Variants in FBXL4 observed in about 807,000 individuals in gnomAD.
The protein encoded by FBXL4 is F-box and leucine rich repeat protein 4.
FBXL4 carries 40 observed loss-of-function variants against 58.9 expected under a neutral mutation model. The ratio of observed to expected loss-of-function variants is 0.68; its 90% CI spans 0.53 to 0.88. The LOEUF is 0.88. Among genes scored for constraint, FBXL4 ranks in the 40% least tolerant of loss-of-function variants. The pLI is 0.00. For missense variants in FBXL4, 676 were observed against 734.4 expected, an observed-to-expected ratio of 0.92 and a Z score of 0.92; for synonymous variants, 263 against 265.5, an observed-to-expected ratio of 0.99 and a Z score of 0.09.
At chr6:98,946,563 C>G (rs536560293) in intron 1 of FBXL4, among the ~76,000 whole-genome samples, 13 of 152,244 alleles carry the variant, frequency 8.5e-5, no homozygotes, top group African/African-American at 3.1e-4. Flanking sequence ...TACCATTGTA[C>G]AGAGTACTAT....
intron 4 of FBXL4, among the ~76,000 whole-genome samples, chr6:98,925,603 A>G (rs1772748219): frequency 6.6e-6 from 1 of 152,198 alleles, no homozygotes; most frequent in Admixed American, 6.5e-5. Context: ...ACTAGTTAAT[A>G]AGTTGGGGTT....
At chr6:98,894,510 A>G (rs866885059) in intron 7 of FBXL4, among the ~76,000 whole-genome samples, 1 of 152,170 alleles carries the variant, frequency 6.6e-6, no homozygotes, top group Non-Finnish European at 1.5e-5. Flanking sequence ...GGGATTACAC[A>G]CTAAACAGGG....
At position 98,870,557 on chromosome 6, in the gene FBXL4, C is replaced by G. The variant is rs1003919087; in HGVS notation, c.*3721G>C. ...GCACTGCTACTTGGCACACTAAAAA[C>G]TGCAGTAATGCAGTTACCAGCATTT... On this transcript the variant is annotated 3_prime_UTR_variant, in exon 10 of 10. Transcript: ENST00000369244. 2.0e-5 allele frequency: 3 copies of G among 152,184 alleles called. No homozygotes were observed. The highest frequency in any genetic ancestry group is 7.2e-5 in the African/African-American group (3 of 41,448). The allele number at this position is 152,184 out of a possible 1,614,324, so 9.4% of individuals were successfully genotyped here. A position where few individuals can be genotyped will look rare whatever the true frequency, so the allele number is the denominator to read the frequency against.
intron 5 of FBXL4, among the ~76,000 whole-genome samples, chr6:98,913,371 A>G (rs900532116): frequency 1.3e-5 from 2 of 152,146 alleles, no homozygotes; most frequent in Non-Finnish European, 2.9e-5. Context: ...AAAAGAATAT[A>G]CATTTTTTTC....
rs1426372527 is a variant in FBXL4 at position 98,869,278 on chromosome 6, G to C, written c.*5000C>G. ...TGACTTTGAAAATGTAAATTCCTGTGTCTGTAATAGGTATCCTTTAATAGC... is the reference window on the plus strand; with the variant it reads ...TGACTTTGAAAATGTAAATTCCTGTCTCTGTAATAGGTATCCTTTAATAGC... On this transcript the variant is annotated 3_prime_UTR_variant, in exon 10 of 10. Coordinates refer to ENST00000369244, the MANE Select transcript of FBXL4 (RefSeq NM_001278716.2). The C allele has an allele frequency of 6.6e-6, 1 of 152,202 alleles. No individual in the cohort carries two copies. Among genetic ancestry groups the C allele is most frequent in the Non-Finnish European group, 1.5e-5 (1 of 68,042 alleles). The allele number at this position is 152,202 out of a possible 1,614,324, so 9.4% of individuals were successfully genotyped here.
At chr6:98,906,190 A>C (rs1450088618) in intron 5 of FBXL4, among the ~76,000 whole-genome samples, 3 of 151,950 alleles carry the variant, frequency 2.0e-5, no homozygotes, top group Admixed American at 6.6e-5. Flanking sequence ...AAAAAAAAAA[A>C]ACACTTTTAA....
intron 6 of FBXL4, among the ~76,000 whole-genome samples, chr6:98,905,017 GATTTA>G (rs777120353): frequency 4.6e-5 from 7 of 152,154 alleles, no homozygotes; most frequent in Non-Finnish European, 8.8e-5. Flanking sequence ...ATGTAATTAA[GATTTA>G]ATTAAAAATG....
chr6:98,897,331 C>T (rs1771443440), intron 7 of FBXL4: 2 of 985,068 alleles, frequency 2.0e-6, no homozygotes, highest in Admixed American at 6.2e-5. Flanking sequence ...GGAGTCATTT[C>T]ACCACAGACC....
chr6:98,898,539 A>G, intron 7 of FBXL4: 1 of 890,054 alleles, frequency 1.1e-6, no homozygotes, highest in Non-Finnish European at 1.3e-6. Flanking sequence ...GGTCAGGCGG[A>G]GGTTTCAGTG....
rs891542397 is a variant in FBXL4, at chr6:98,874,254, T to G, written c.*24A>C. 3.8e-5 allele frequency: 58 copies of G among 1,517,144 alleles called. No homozygotes were observed. The highest frequency in any genetic ancestry group is 5.0e-5 in the Non-Finnish European group (57 of 1,137,738). The allele number at this position is 1,517,144 out of a possible 1,614,324, so 94.0% of individuals were successfully genotyped here. A position where few individuals can be genotyped will look rare whatever the true frequency, so the allele number is the denominator to read the frequency against. On this transcript the variant is annotated 3_prime_UTR_variant, in exon 10 of 10. Coordinates refer to ENST00000369244, the MANE Select transcript of FBXL4 (RefSeq NM_001278716.2). Reference sequence around the variant, plus strand: ...ATTAAACCCCAACAAAGCACATTAATTTTAATACAGAACATATATTAAGTC... The same window carrying G: ...ATTAAACCCCAACAAAGCACATTAAGTTTAATACAGAACATATATTAAGTC...
At chr6:98,941,520 C>A (rs1773431259) in intron 1 of FBXL4, among the ~76,000 whole-genome samples, 2 of 152,110 alleles carry the variant, frequency 1.3e-5, no homozygotes, top group African/African-American at 4.8e-5. Flanking sequence ...AGCTGTAAAT[C>A]CGATACTCTA....
At chr6:98,887,087 A>T (rs195847) in intron 7 of FBXL4, among the ~76,000 whole-genome samples, 24,344 of 152,050 alleles carry the variant, frequency 0.16, 2,261 homozygotes, top group African/African-American at 0.26. Context: ...CATCTCTACA[A>T]AAAATGTAAA....
chr6:98,879,665 A>C (rs1582365904), intron 8 of FBXL4, among the ~76,000 whole-genome samples: 1 of 152,010 alleles, frequency 6.6e-6, no homozygotes, highest in East Asian at 1.9e-4. Context: ...GGCGGATCAC[A>C]AGGTCAGGAG....
intron 7 of FBXL4, among the ~76,000 whole-genome samples, chr6:98,886,104 T>C (rs1771030180): frequency 6.6e-6 from 1 of 152,166 alleles, no homozygotes; most frequent in Admixed American, 6.6e-5. Flanking sequence ...ACTACCCAGC[T>C]AAACCACTCC....
At chr6:98,896,344 C>T (rs1199345183) in intron 7 of FBXL4, among the ~76,000 whole-genome samples, 5 of 152,152 alleles carry the variant, frequency 3.3e-5, no homozygotes, top group African/African-American at 7.2e-5. Context: ...TACAGATTGC[C>T]ATGAATACTA....
At chr6:98,876,536 A>G (rs1286643339) in intron 8 of FBXL4, among the ~76,000 whole-genome samples, 1 of 152,232 alleles carries the variant, frequency 6.6e-6, no homozygotes, top group Non-Finnish European at 1.5e-5. Flanking sequence ...TGTATTTTCA[A>G]CAAACATCTA....
At chr6:98,905,350 A>G in intron 6 of FBXL4, 76 bp downstream of exon 6, 1 of 1,511,654 alleles carries the variant, frequency 6.6e-7, no homozygotes, top group Non-Finnish European at 9.0e-7. Flanking sequence ...TCAAACTTTT[A>G]TTATGAAAAC....
intron 7 of FBXL4, among the ~76,000 whole-genome samples, chr6:98,890,025 T>C (rs1362601324): frequency 6.6e-6 from 1 of 152,210 alleles, no homozygotes; most frequent in Non-Finnish European, 1.5e-5. Context: ...CTTAGAATTA[T>C]ATTTATGCAT....
intron 5 of FBXL4, among the ~76,000 whole-genome samples, chr6:98,910,381 C>T (rs1481123685): frequency 2.0e-5 from 3 of 152,134 alleles, no homozygotes; most frequent in Admixed American, 6.5e-5. Context: ...AGGCCGGGCA[C>T]GGTGGCTCAC....
Sources: gnomAD v4.1 joint callset for allele counts (sites outside exome capture counted in the v4.1 genomes callset) on GRCh38, gnomAD v4.1.1 for gene constraint, MANE v1.5 for transcripts, NCBI Gene and HGNC (gene_info 2026-07-23, HGNC 2026-07-21) for gene names.